RABGAP1L: variants seen among roughly 807,000 people sequenced by gnomAD.
RABGAP1L encodes the protein RAB GTPase activating protein 1 like, also known as rab GTPase-activating protein 1-like.
A neutral mutation model predicts 137.7 loss-of-function variants in RABGAP1L; 63 were observed. The observed-to-expected ratio is 0.46, with a 90% CI of 0.37 to 0.56. The LOEUF is 0.56. RABGAP1L is among the 20% of genes least tolerant of loss of function. The probability of loss-of-function intolerance (pLI) is 0.00; values close to 1 mark genes in which losing one functional copy is unlikely to be tolerated. For synonymous variants in RABGAP1L, 431 were observed against 433.7 expected (o/e 0.99, Z 0.08); for missense variants, 1,095 against 1,244.0 (o/e 0.88, Z 1.80).
At chr1:174,168,604 T>C (rs1399921928) in intron 1 of RABGAP1L, among the ~76,000 whole-genome samples, 1 of 152,244 alleles carries the variant, frequency 6.6e-6, no homozygotes, top group Non-Finnish European at 1.5e-5. Flanking sequence ...CATGATCAAG[T>C]TGGTATTGAA....
intron 13 of RABGAP1L, among the ~76,000 whole-genome samples, chr1:174,521,008 A>AAT (rs1663323066): frequency 6.6e-6 from 1 of 152,224 alleles, no homozygotes; most frequent in Admixed American, 6.5e-5. Context: ...GCAAAAAAAC[A>AAT]GTGTTTTAGT....
intron 12 of RABGAP1L, among the ~76,000 whole-genome samples, chr1:174,385,191 G>C (rs930467305): frequency 1.3e-5 from 2 of 152,200 alleles, no homozygotes; most frequent in African/African-American, 2.4e-5. Flanking sequence ...GCTGGTAGCA[G>C]AGGGTGACAT....
Position 174,278,824 on chromosome 1 carries a change from C to G in RABGAP1L, c.1323+45C>G, listed in dbSNP as rs776527422. On this transcript the variant is annotated intron_variant, in intron 10 of 25. Transcript: ENST00000681986. ...TTCATATATAGTAACAAACATTTTT[C>G]TTTCCACACTTCTTTTTTAATGCCA... The G allele has an allele frequency of 3.0e-6, 4 of 1,333,344 alleles. No individual in the cohort carries two copies. In the African/African-American group the frequency reaches 6.1e-5, roughly 20 times the overall value. The allele number at this position is 1,333,344 out of a possible 1,614,324, so 82.6% of individuals were successfully genotyped here.
chr1:174,258,135 A>G (rs1393512794), intron 7 of RABGAP1L, among the ~76,000 whole-genome samples: 1 of 152,248 alleles, frequency 6.6e-6, no homozygotes, highest in Non-Finnish European at 1.5e-5. Context: ...CAGAAGATTT[A>G]GTAAATTCTT....
At chr1:174,934,738 C>G (rs1479322222) in intron 19 of RABGAP1L, among the ~76,000 whole-genome samples, 2 of 152,272 alleles carry the variant, frequency 1.3e-5, no homozygotes, top group South Asian at 4.1e-4. Flanking sequence ...CTTCAGTAAA[C>G]TGAGATAATA....
At chr1:174,794,152 G>A (rs1224708830) in intron 18 of RABGAP1L, among the ~76,000 whole-genome samples, 2 of 152,136 alleles carry the variant, frequency 1.3e-5, no homozygotes, top group Non-Finnish European at 2.9e-5. Flanking sequence ...TTTAAAAATT[G>A]TCAATCAGGC....
intron 17 of RABGAP1L, among the ~76,000 whole-genome samples, chr1:174,704,842 A>G (rs980433548): frequency 6.6e-6 from 1 of 152,176 alleles, no homozygotes; most frequent in Non-Finnish European, 1.5e-5. Context: ...CAACTCCGCT[A>G]TTTTATAGGG....
At chr1:174,510,630 T>G (rs1662244503) in intron 13 of RABGAP1L, among the ~76,000 whole-genome samples, 1 of 152,296 alleles carries the variant, frequency 6.6e-6, no homozygotes, top group East Asian at 1.9e-4. Flanking sequence ...CTGTTTCATT[T>G]TGAAAAGGTT....
chr1:174,318,855 T>A (rs1160460044), intron 11 of RABGAP1L, among the ~76,000 whole-genome samples: 1 of 151,980 alleles, frequency 6.6e-6, no homozygotes, highest in Non-Finnish European at 1.5e-5. Context: ...AAAAAAAACT[T>A]TACACTTCAT....
chr1:174,859,561 AG>A (rs2149015322), intron 19 of RABGAP1L, among the ~76,000 whole-genome samples: 1 of 152,228 alleles, frequency 6.6e-6, no homozygotes, highest in East Asian at 1.9e-4. Flanking sequence ...TGTCCTTTGC[AG>A]GGACATGGAT....
chr1:174,269,190 A>T (rs1438790402), intron 7 of RABGAP1L, among the ~76,000 whole-genome samples: 1 of 152,054 alleles, frequency 6.6e-6, no homozygotes, highest in East Asian at 1.9e-4. Flanking sequence ...TGATCCGCCC[A>T]CCTCGGCCTC....
chr1:174,539,818 TG>T (rs1432259844), intron 13 of RABGAP1L, among the ~76,000 whole-genome samples: 1 of 152,248 alleles, frequency 6.6e-6, no homozygotes, highest in Admixed American at 6.5e-5. Flanking sequence ...AGTAATGGGA[TG>T]TCTGGGTCAA....
At chr1:174,256,116 T>C (rs1673102860) in intron 7 of RABGAP1L, among the ~76,000 whole-genome samples, 1 of 152,200 alleles carries the variant, frequency 6.6e-6, no homozygotes, top group Non-Finnish European at 1.5e-5. Context: ...CAGGATTAGA[T>C]ATTGCATTTA....
chr1:174,839,753 G>C (rs991338917), intron 19 of RABGAP1L, among the ~76,000 whole-genome samples: 3 of 152,190 alleles, frequency 2.0e-5, no homozygotes, highest in Non-Finnish European at 4.4e-5. Flanking sequence ...AGAGGGCTCT[G>C]TATATAATAG....
At chr1:174,198,238 A>T (rs1316977647) in intron 1 of RABGAP1L, among the ~76,000 whole-genome samples, 1 of 152,222 alleles carries the variant, frequency 6.6e-6, no homozygotes, top group Admixed American at 6.5e-5. Flanking sequence ...TCATGCTGTA[A>T]TGATAAAAAT....
intron 23 of RABGAP1L, 147 bp from the exon 24 acceptor site, chr1:174,982,687 A>G: frequency 1.4e-6 from 1 of 722,308 alleles, no homozygotes; most frequent in Non-Finnish European, 2.3e-6. Context: ...CATTTCCGAA[A>G]TGACTGGCAT....
chr1:174,753,778 T>C (rs146380210), intron 18 of RABGAP1L, among the ~76,000 whole-genome samples: 1 of 152,270 alleles, frequency 6.6e-6, no homozygotes, highest in Non-Finnish European at 1.5e-5. Flanking sequence ...ACTAAAAAAA[T>C]ATTAAAACAT....
intron 13 of RABGAP1L, among the ~76,000 whole-genome samples, chr1:174,573,899 A>G (rs961215991): frequency 2.6e-5 from 4 of 152,266 alleles, no homozygotes; most frequent in Admixed American, 1.3e-4. Context: ...ACTGAAATTT[A>G]GTTTTGGATC....
intron 12 of RABGAP1L, among the ~76,000 whole-genome samples, chr1:174,374,177 G>A (rs1045620197): frequency 6.6e-6 from 1 of 152,170 alleles, no homozygotes; most frequent in Admixed American, 6.6e-5. Context: ...CTACTGTTAC[G>A]TGGTTTCTTC....
Sources: allele counts gnomAD v4.1 joint callset (sites outside exome capture counted in the v4.1 genomes callset), GRCh38; gene constraint gnomAD v4.1.1; transcripts MANE v1.5; gene names NCBI Gene and HGNC (gene_info 2026-07-23, HGNC 2026-07-21).